DRC11: variants seen among roughly 807,000 people sequenced by gnomAD.
DRC11 encodes the protein IQ and AAA domain-containing protein 1.
the DRC11 span, among the ~76,000 whole-genome samples, chr2:236,435,543 C>T: frequency 2.0e-5 from 3 of 152,238 alleles, no homozygotes; most frequent in East Asian, 1.9e-4. Flanking sequence ...GGGGAGGCAT[C>T]GGGAAACTTA....
At chr2:236,329,215 T>A in the DRC11 span, among the ~76,000 whole-genome samples, 1 of 152,254 alleles carries the variant, frequency 6.6e-6, no homozygotes, top group Admixed American at 6.5e-5. Context: ...TCAGGTCAGC[T>A]GACTAGCAGG....
the DRC11 span, chr2:236,377,178 C>T: frequency 9.3e-6 from 15 of 1,609,966 alleles, 2 homozygotes; most frequent in Admixed American, 1.2e-4. The surrounding 1 kb of genome is among the most constrained non-coding windows in gnomAD (Gnocchi z 4.9). Flanking sequence ...TACAGAGACT[C>T]GATGGTCCTG....
the DRC11 span, among the ~76,000 whole-genome samples, chr2:236,504,084 C>T: frequency 3.3e-5 from 5 of 152,126 alleles, no homozygotes; most frequent in African/African-American, 7.2e-5. The surrounding 1 kb of genome is among the most constrained non-coding windows in gnomAD (Gnocchi z 5.0). Context: ...AACCCACACC[C>T]GTGAAGCAGT....
chr2:236,349,257 G>T, the DRC11 span, among the ~76,000 whole-genome samples: 1 of 152,132 alleles, frequency 6.6e-6, no homozygotes, highest in African/African-American at 2.4e-5. The surrounding 1 kb of genome is among the most constrained non-coding windows in gnomAD (Gnocchi z 5.5). Flanking sequence ...AGCTCCAAGG[G>T]GCCATTGTTC....
the DRC11 span, among the ~76,000 whole-genome samples, chr2:236,378,761 C>T: frequency 2.6e-5 from 4 of 151,984 alleles, no homozygotes; most frequent in East Asian, 7.7e-4. Flanking sequence ...GACTCCGAGG[C>T]CCCTCTGCCC....
chr2:236,378,834 C>A, the DRC11 span, among the ~76,000 whole-genome samples: 1 of 152,144 alleles, frequency 6.6e-6, no homozygotes, highest in Non-Finnish European at 1.5e-5. Context: ...TCCCCAGGAA[C>A]TGGGGCACCT....
At chr2:236,441,202 C>A in the DRC11 span, 2 of 972,500 alleles carry the variant, frequency 2.1e-6, no homozygotes, top group African/African-American at 1.6e-5. Flanking sequence ...TGCTTATGTT[C>A]ATTTAAATGA....
chr2:236,324,802 T>C, the DRC11 span: 8 of 1,575,790 alleles, frequency 5.1e-6, no homozygotes, highest in Non-Finnish European at 6.9e-6. The surrounding 1 kb of genome is among the most constrained non-coding windows in gnomAD (Gnocchi z 5.7). Flanking sequence ...CAATAGAAGT[T>C]TCGGAAAAGG....
the DRC11 span, among the ~76,000 whole-genome samples, chr2:236,414,801 T>A: frequency 2.0e-5 from 3 of 152,222 alleles, no homozygotes; most frequent in Non-Finnish European, 4.4e-5. Context: ...AGTTTCTTGA[T>A]GAAAAGATCA....
chr2:236,408,482 G>A, the DRC11 span: 13 of 738,066 alleles, frequency 1.8e-5, no homozygotes, highest in East Asian at 2.5e-5. This position sits in a 1 kb window ranked among gnomAD's most constrained non-coding sequence, Gnocchi z 5.5. Context: ...AGCCTCTCCC[G>A]GCCCCAGTCC....
At chr2:236,488,955 ACATG>A in the DRC11 span, among the ~76,000 whole-genome samples, 1 of 84,852 alleles carries the variant, frequency 1.2e-5, no homozygotes, top group Admixed American at 1.3e-4. Context: ...GGCTCCAGGT[ACATG>A]CTGGGACCTG....
chr2:236,472,747 G>T, the DRC11 span, among the ~76,000 whole-genome samples: 1 of 152,146 alleles, frequency 6.6e-6, no homozygotes, highest in African/African-American at 2.4e-5. This position sits in a 1 kb window ranked among gnomAD's most constrained non-coding sequence, Gnocchi z 4.6. Context: ...GCACTCTCCA[G>T]CCCCTACAGA....
At chr2:236,356,986 A>C in the DRC11 span, among the ~76,000 whole-genome samples, 4 of 110,446 alleles carry the variant, frequency 3.6e-5, no homozygotes, top group African/African-American at 1.3e-4. Context: ...TTCATATATT[A>C]TATATCTATA....
chr2:236,356,962 ATATATAT>A, the DRC11 span, among the ~76,000 whole-genome samples: 2 of 101,984 alleles, frequency 2.0e-5, no homozygotes, highest in Non-Finnish European at 2.0e-5. Flanking sequence ...TATCATAAAT[ATATATAT>A]TATATATTCA....
the DRC11 span, among the ~76,000 whole-genome samples, chr2:236,321,105 G>A: frequency 1.3e-5 from 2 of 152,178 alleles, no homozygotes; most frequent in African/African-American, 4.8e-5. Flanking sequence ...AAGACTCACA[G>A]GTGATTTGAC....
chr2:236,444,605 C>A, the DRC11 span, among the ~76,000 whole-genome samples: 1 of 152,176 alleles, frequency 6.6e-6, no homozygotes, highest in Non-Finnish European at 1.5e-5. Flanking sequence ...TGAGCTCACT[C>A]CCCCAAGGTA....
the DRC11 span, among the ~76,000 whole-genome samples, chr2:236,466,068 G>GT: frequency 1.3e-5 from 2 of 151,950 alleles, no homozygotes; most frequent in Admixed American, 1.3e-4. Context: ...ATCTTCTCAA[G>GT]TTTTTTATCT....
chr2:236,340,783 G>A, the DRC11 span, among the ~76,000 whole-genome samples: 1 of 152,206 alleles, frequency 6.6e-6, no homozygotes, highest in Non-Finnish European at 1.5e-5. Flanking sequence ...AGGGACATTT[G>A]AAATGAATCA....
At chr2:236,433,598 C>T in the DRC11 span, among the ~76,000 whole-genome samples, 2 of 152,126 alleles carry the variant, frequency 1.3e-5, no homozygotes, top group African/African-American at 4.8e-5. Context: ...TTTGTAATCC[C>T]CCCATCTTGC....
Sources: gnomAD v4.1 joint callset for allele counts (sites outside exome capture counted in the v4.1 genomes callset) on GRCh38, gnomAD v4.1.1 for gene constraint, Gnocchi (gnomAD v3.1) non-coding constraint, MANE v1.5 for transcripts, NCBI Gene and HGNC (gene_info 2026-07-23, HGNC 2026-07-21) for gene names.